ASB18: variants seen among roughly 807,000 people sequenced by gnomAD.
The protein encoded by ASB18 is ankyrin repeat and SOCS box containing 18, also known as ankyrin repeat and SOCS box protein 18.
A neutral mutation model predicts 33.4 loss-of-function variants in ASB18; 33 were observed. The ratio of observed to expected loss-of-function variants is 0.99; its 90% CI spans 0.75 to 1.32. The LOEUF (loss-of-function observed/expected upper bound fraction) is 1.32. Among genes scored for constraint, ASB18 ranks in the 40% most tolerant of loss-of-function variants. The pLI, the probability that ASB18 is intolerant of heterozygous loss-of-function variation, is 0.00. For missense variants in ASB18, 694 were observed against 655.5 expected, an observed-to-expected ratio of 1.06 and a Z score of -0.64; for synonymous variants, 295 against 307.6, an observed-to-expected ratio of 0.96 and a Z score of 0.43.
Position 236,223,108 on chromosome 2 carries a change from A to G in ASB18, c.597-8242T>C, listed in dbSNP as rs2106272856. 6.6e-6 allele frequency among the ~76,000 whole-genome samples: 1 copy of G among 152,280 alleles called. No individual in the cohort carries two copies. Among genetic ancestry groups the G allele is most frequent in the East Asian group, 1.9e-4 (1 of 5,188 alleles). ...GCTGTTTGCCTTCTGCCATGAGTAA[A>G]AAGCTTCCTGAGGCCTCCCCAGAAG... On this transcript the variant is annotated intron_variant, in intron 3 of 5. Coordinates refer to ENST00000409749, the MANE Select transcript of ASB18 (RefSeq NM_212556.4). The surrounding 1 kb of genome is among the most constrained non-coding windows in gnomAD (Gnocchi z 4.6).
At position 236,264,060 on chromosome 2, in the gene ASB18, C is replaced by T. The variant is rs1574676763; in HGVS notation, c.205+81G>A. On this transcript the variant is annotated intron_variant, in intron 1 of 5. Coordinates refer to ENST00000409749, the MANE Select transcript of ASB18 (RefSeq NM_212556.4). The surrounding 1 kb of genome is among the most constrained non-coding windows in gnomAD (Gnocchi z 5.1). Reference sequence around the variant, plus strand: ...TCATTTACTTTTTCCAAACATTTGCCCCTCTACCTCCAGGATCTGCCCACC... The same window carrying T: ...TCATTTACTTTTTCCAAACATTTGCTCCTCTACCTCCAGGATCTGCCCACC... 1 of 1,237,488 alleles carries T rather than the reference C, an allele frequency of 8.1e-7. No individual in the cohort carries two copies. 76.7% of individuals were successfully genotyped at this position (1,237,488 alleles called of 1,614,324 possible).
intron 3 of ASB18, among the ~76,000 whole-genome samples, chr2:236,224,260 C>A (rs2060526970): frequency 8.0e-6 from 1 of 125,256 alleles, no homozygotes; most frequent in Admixed American, 1.0e-4. Context: ...TTTGTGGTCT[C>A]ATTTGCATGT....
Position 236,241,529 on chromosome 2 carries a change from C to T in ASB18, c.206-127G>A, listed in dbSNP as rs752075953. 2.4e-5 allele frequency: 25 copies of T among 1,057,996 alleles called. No individual in the cohort carries two copies. The highest frequency in any genetic ancestry group is 1.3e-4 in the African/African-American group (8 of 63,946). 65.5% of individuals were successfully genotyped at this position (1,057,996 alleles called of 1,614,324 possible). A position where few individuals can be genotyped will look rare whatever the true frequency, so the allele number is the denominator to read the frequency against. ...CCTGGCTGTCTCTCCATTGAGATGCCGTCGATTTCAGAAGAGTTCTTCAGG... is the reference window on the plus strand; with the variant it reads ...CCTGGCTGTCTCTCCATTGAGATGCTGTCGATTTCAGAAGAGTTCTTCAGG... On this transcript the variant is annotated intron_variant, in intron 1 of 5. Coordinates refer to ENST00000409749, the MANE Select transcript of ASB18 (RefSeq NM_212556.4). This position sits in a 1 kb window ranked among gnomAD's most constrained non-coding sequence, Gnocchi z 4.2.
intron 3 of ASB18, among the ~76,000 whole-genome samples, chr2:236,227,260 A>G (rs986436118): frequency 6.6e-6 from 1 of 152,216 alleles, no homozygotes; most frequent in Non-Finnish European, 1.5e-5. Context: ...TAGCAAATAA[A>G]TCATAAATGA....
chr2:236,217,760 G>A lies in ASB18; in HGVS notation c.597-2894C>T, dbSNP rs2060494429. On this transcript the variant is annotated intron_variant, in intron 3 of 5. Transcript: ENST00000409749. The surrounding 1 kb of genome is among the most constrained non-coding windows in gnomAD (Gnocchi z 5.2). ...CTACATCAGCAGTGTCTTGAGAAGT[G>A]GTCTGTCTTGAGTGAAAGATCTTTA... Among the ~76,000 whole-genome samples, 1 of 152,122 alleles carries A rather than the reference G, an allele frequency of 6.6e-6. No homozygotes were observed. Among genetic ancestry groups the A allele is most frequent in the South Asian group, 2.1e-4 (1 of 4,816 alleles).
Position 236,221,026 on chromosome 2 carries a change from G to A in ASB18, c.597-6160C>T, listed in dbSNP as rs985782005. On this transcript the variant is annotated intron_variant, in intron 3 of 5. Coordinates refer to ENST00000409749, the MANE Select transcript of ASB18 (RefSeq NM_212556.4). This position sits in a 1 kb window ranked among gnomAD's most constrained non-coding sequence, Gnocchi z 5.6. The stretch of plus-strand genomic sequence containing the variant: ...CCCAGTCCTCCTAGCTACCTGGCAC[G>A]GTAGATGGCATCCTCCCTCCTTTTT... Among the ~76,000 whole-genome samples the A allele has an allele frequency of 6.6e-6, 1 of 152,090 alleles. No homozygotes were observed.
At position 236,237,710 on chromosome 2, in the gene ASB18, C is replaced by A; in HGVS notation, c.575G>T (p.Cys192Phe). 6.9e-7 allele frequency: 1 copy of A among 1,456,562 alleles called. No homozygotes were observed. Among genetic ancestry groups the A allele is most frequent in the Non-Finnish European group, 9.0e-7 (1 of 1,110,428 alleles). 90.2% of individuals were successfully genotyped at this position (1,456,562 alleles called of 1,614,324 possible). A position where few individuals can be genotyped will look rare whatever the true frequency, so the allele number is the denominator to read the frequency against. The change falls in exon 3 of 6, where the codon TGC (cysteine) becomes TTC (phenylalanine). Residue 192 changes from cysteine to phenylalanine, a missense_variant. Physicochemically the swap from Cys to Phe is radical, Grantham distance 205 (BLOSUM62 -2). Coordinates refer to ENST00000409749, the MANE Select transcript of ASB18 (RefSeq NM_212556.4). This position sits in a 1 kb window ranked among gnomAD's most constrained non-coding sequence, Gnocchi z 6.2. ...SAEGLAPLHL[C>F]RTAASLGCAQ... ...TTACCCGAGCGAGGCGGCCGTGCGG[C>A]AGAGGTGCAGAGGCGCCAGGCCCTC...
rs1292326649 is a variant in ASB18, at chr2:236,256,261, A to T, written c.205+7880T>A. Among the ~76,000 whole-genome samples, 1 of 152,116 alleles carries T rather than the reference A, an allele frequency of 6.6e-6. No homozygotes were observed. The highest frequency in any genetic ancestry group is 1.5e-5 in the Non-Finnish European group (1 of 68,012). On this transcript the variant is annotated intron_variant, in intron 1 of 5. Coordinates refer to ENST00000409749, the MANE Select transcript of ASB18 (RefSeq NM_212556.4). This position sits in a 1 kb window ranked among gnomAD's most constrained non-coding sequence, Gnocchi z 4.7. ...AGGCTGGTCTCAAACTCCTGGGCTC[A>T]AGAGATTCGCCCACCTTAGCCTCCC...
Position 236,219,851 on chromosome 2 carries a change from T to G in ASB18, c.597-4985A>C, listed in dbSNP as rs1358322910. 1.3e-5 allele frequency among the ~76,000 whole-genome samples: 2 copies of G among 152,056 alleles called. No individual in the cohort carries two copies. The highest frequency in any genetic ancestry group is 2.9e-5 in the Non-Finnish European group (2 of 68,024). ...AGGCAAAAGTCAGAAAGGCCTGGGG[T>G]CAGGGTAGAACAGTCACCGTTGGGA... On this transcript the variant is annotated intron_variant, in intron 3 of 5. Transcript: ENST00000409749. The surrounding 1 kb of genome is among the most constrained non-coding windows in gnomAD (Gnocchi z 6.4).
In ASB18 at chr2:236,223,324, T is replaced by C. The variant is rs949378961; in HGVS notation, c.597-8458A>G. ...TTGGTGTGCCTTCCTCAGTAAGGCATGCATAACATTTCTTTCTCTTTCTCT... is the reference window on the plus strand; with the variant it reads ...TTGGTGTGCCTTCCTCAGTAAGGCACGCATAACATTTCTTTCTCTTTCTCT... On this transcript the variant is annotated intron_variant, in intron 3 of 5. Transcript: ENST00000409749. The surrounding 1 kb of genome is among the most constrained non-coding windows in gnomAD (Gnocchi z 4.6). Among the ~76,000 whole-genome samples the C allele has an allele frequency of 2.0e-5, 3 of 152,322 alleles. No homozygotes were observed. In the East Asian group the frequency reaches 5.8e-4, roughly 29 times the overall value.
intron 3 of ASB18, among the ~76,000 whole-genome samples, chr2:236,236,439 C>T (rs1296429150): frequency 2.0e-5 from 3 of 152,112 alleles, no homozygotes; most frequent in African/African-American, 7.2e-5. Context: ...AATATCTGCC[C>T]TCCATGGACT....
chr2:236,245,858 C>T lies in ASB18; in HGVS notation c.206-4456G>A, dbSNP rs934114029. On this transcript the variant is annotated intron_variant, in intron 1 of 5. Coordinates refer to ENST00000409749, the MANE Select transcript of ASB18 (RefSeq NM_212556.4). The surrounding 1 kb of genome is among the most constrained non-coding windows in gnomAD (Gnocchi z 4.7). ...TGGACTGGACTCTTTGAAACTTGCTCAACATTAAAGCTCCTCAGTGGTTCT... is the reference window on the plus strand; with the variant it reads ...TGGACTGGACTCTTTGAAACTTGCTTAACATTAAAGCTCCTCAGTGGTTCT... Among the ~76,000 whole-genome samples, 4 of 152,190 alleles carry T rather than the reference C, an allele frequency of 2.6e-5. No individual in the cohort carries two copies. Among genetic ancestry groups the T allele is most frequent in the African/African-American group, 4.8e-5 (2 of 41,440 alleles).
In ASB18 at chr2:236,213,025, T is replaced by C. The variant is rs1158454509; in HGVS notation, c.1101+1337A>G. Among the ~76,000 whole-genome samples the C allele has an allele frequency of 6.6e-6, 1 of 152,226 alleles. No individual in the cohort carries two copies. The highest frequency in any genetic ancestry group is 1.5e-5 in the Non-Finnish European group (1 of 68,046). ...TGCATGGGAAGGGCAGTGAGTCTTG[T>C]TTCCATGTTATAAGTTGATGAACTA... On this transcript the variant is annotated intron_variant, in intron 4 of 5. Coordinates refer to ENST00000409749, the MANE Select transcript of ASB18 (RefSeq NM_212556.4). This position sits in a 1 kb window ranked among gnomAD's most constrained non-coding sequence, Gnocchi z 4.8.
At position 236,220,234 on chromosome 2, in the gene ASB18, C is replaced by T. The variant is rs1222985454; in HGVS notation, c.597-5368G>A. ...CTCCCATCCACCCTCCAGCACCTTCCCAAAGCACTGGCTTTTCCTAGTCCC... is the reference window on the plus strand; with the variant it reads ...CTCCCATCCACCCTCCAGCACCTTCTCAAAGCACTGGCTTTTCCTAGTCCC... On this transcript the variant is annotated intron_variant, in intron 3 of 5. Transcript: ENST00000409749. This position sits in a 1 kb window ranked among gnomAD's most constrained non-coding sequence, Gnocchi z 5.1. Among the ~76,000 whole-genome samples the T allele has an allele frequency of 6.6e-6, 1 of 152,216 alleles. No individual in the cohort carries two copies. Among genetic ancestry groups the T allele is most frequent in the Non-Finnish European group, 1.5e-5 (1 of 68,042 alleles).
rs1431152442 is a variant in ASB18, at chr2:236,200,022, T to C, written c.1102-3637A>G. Among the ~76,000 whole-genome samples, 1 of 152,170 alleles carries C rather than the reference T, an allele frequency of 6.6e-6. No individual in the cohort carries two copies. The highest frequency in any genetic ancestry group is 2.4e-5 in the African/African-American group (1 of 41,432). On this transcript the variant is annotated intron_variant, in intron 4 of 5. Coordinates refer to ENST00000409749, the MANE Select transcript of ASB18 (RefSeq NM_212556.4). The surrounding 1 kb of genome is among the most constrained non-coding windows in gnomAD (Gnocchi z 4.2). ...ATCTTCATTTTAAAGAAATTTAGCA[T>C]TGCATAGATAACAGTCAAGGTCCAT...
At chr2:236,218,887 A>T (rs994878454) in intron 3 of ASB18, among the ~76,000 whole-genome samples, 1 of 150,350 alleles carries the variant, frequency 6.7e-6, no homozygotes, top group African/African-American at 2.4e-5. Context: ...TAATTTTTTT[A>T]GAGACAGGGT....
At position 236,237,778 on chromosome 2, in the gene ASB18, G is replaced by A. The variant is rs2060601965; in HGVS notation, c.507C>T (p.Arg169=). The A allele has an allele frequency of 2.8e-6, 4 of 1,442,718 alleles. No homozygotes were observed. The highest frequency in any genetic ancestry group is 3.6e-6 in the Non-Finnish European group (4 of 1,102,364). The allele number at this position is 1,442,718 out of a possible 1,614,324, so 89.4% of individuals were successfully genotyped here. Residue 169 remains arginine (R), a synonymous_variant, in exon 3 of 6, where the codon CGC becomes CGT. Coordinates refer to ENST00000409749, the MANE Select transcript of ASB18 (RefSeq NM_212556.4). This position sits in a 1 kb window ranked among gnomAD's most constrained non-coding sequence, Gnocchi z 6.2. ...GGTCGGCGCGGTGCTGCAGCAGCAG[G>A]CGGACGCAGGCGGTGTGGCCCCCGA... is the stretch of plus-strand genomic sequence containing the variant. ...ACLGGHTACV[R]LLLQHRADPD... is the part of the protein sequence containing the mutation.
chr2:236,196,429 C>T lies in ASB18; in HGVS notation c.1102-44G>A. 1 of 1,112,398 alleles carries T rather than the reference C, an allele frequency of 9.0e-7. No homozygotes were observed. The highest frequency in any genetic ancestry group is 1.3e-6 in the Non-Finnish European group (1 of 749,080). The allele number at this position is 1,112,398 out of a possible 1,614,324, so 68.9% of individuals were successfully genotyped here. ...AGACGCAGCGTAGGCCGACTGGGTT[C>T]TGGGTCTCAGTGGGGAAAGGGTGGG... On this transcript the variant is annotated intron_variant, in intron 4 of 5. Transcript: ENST00000409749. This position sits in a 1 kb window ranked among gnomAD's most constrained non-coding sequence, Gnocchi z 5.6.
chr2:236,256,892 A>G lies in ASB18; in HGVS notation c.205+7249T>C. Among the ~76,000 whole-genome samples the G allele has an allele frequency of 6.6e-6, 1 of 152,118 alleles. No individual in the cohort carries two copies. The highest frequency in any genetic ancestry group is 6.5e-5 in the Admixed American group (1 of 15,268). On this transcript the variant is annotated intron_variant, in intron 1 of 5. Coordinates refer to ENST00000409749, the MANE Select transcript of ASB18 (RefSeq NM_212556.4). This position sits in a 1 kb window ranked among gnomAD's most constrained non-coding sequence, Gnocchi z 4.7. Reference sequence around the variant, plus strand: ...TTCAACCTGCTTCTGGGGAAAAAAAAAGAGCCTAGGGTGTGTGTCTCGTAG... The same window carrying G: ...TTCAACCTGCTTCTGGGGAAAAAAAGAGAGCCTAGGGTGTGTGTCTCGTAG...
Sources: allele counts gnomAD v4.1 joint callset (sites outside exome capture counted in the v4.1 genomes callset), GRCh38; gene constraint gnomAD v4.1.1; non-coding constraint Gnocchi (gnomAD v3.1); transcripts MANE v1.5; gene names NCBI Gene and HGNC (gene_info 2026-07-23, HGNC 2026-07-21).